MECOM: variants seen among roughly 807,000 people sequenced by gnomAD.
MECOM encodes the protein MDS1 and EVI1 complex locus.
In MECOM, 13 loss-of-function variants were observed where a neutral mutation model predicts 116.3. The ratio of observed to expected loss-of-function variants is 0.11; its 90% confidence interval spans 0.07 to 0.18. MECOM has a LOEUF of 0.18. Among genes scored for constraint, MECOM ranks in the 10% least tolerant of loss-of-function variants. MECOM has a pLI of 1.00. For missense variants in MECOM, 1,299 were observed against 1,509.0 expected (o/e 0.86, Z 2.31); for synonymous variants, 528 against 535.2 (o/e 0.99, Z 0.19).
intron 1 of MECOM, among the ~76,000 whole-genome samples, chr3:169,649,621 C>T (rs999524221): frequency 3.3e-5 from 5 of 151,896 alleles, no homozygotes; most frequent in Non-Finnish European, 2.9e-5. Flanking sequence ...TTCATCATGC[C>T]TTACATATGC....
chr3:169,382,879 A>AAAAAAAAAAAAAGAAGAAG (rs1358767356), intron 1 of MECOM, among the ~76,000 whole-genome samples: 2 of 138,518 alleles, frequency 1.4e-5, no homozygotes, highest in South Asian at 2.4e-4. Context: ...AAAAATAAAA[A>AAAAAAAAAAAAAGAAGAAG]AAGAAGGTAA....
chr3:169,610,225 T>C (rs1447839952), intron 1 of MECOM, among the ~76,000 whole-genome samples: 2 of 152,188 alleles, frequency 1.3e-5, no homozygotes, highest in Non-Finnish European at 2.9e-5. Flanking sequence ...TACATATATA[T>C]GTATAAAAGT....
intron 1 of MECOM, among the ~76,000 whole-genome samples, chr3:169,466,720 T>A (rs1427293046): frequency 6.6e-6 from 1 of 152,144 alleles, no homozygotes; most frequent in Non-Finnish European, 1.5e-5. Context: ...GGGAAAGTTA[T>A]AGATACAGAT....
At chr3:169,502,385 T>C (rs752018353) in intron 1 of MECOM, among the ~76,000 whole-genome samples, 19 of 152,148 alleles carry the variant, frequency 1.2e-4, no homozygotes, top group Non-Finnish European at 2.8e-4. Context: ...TCCTTGGAGA[T>C]GCCTTGACTA....
At chr3:169,270,097 CAA>C (rs1435361623) in intron 2 of MECOM, among the ~76,000 whole-genome samples, 1 of 151,828 alleles carries the variant, frequency 6.6e-6, no homozygotes, top group Non-Finnish European at 1.5e-5. Flanking sequence ...ACGCACTCAA[CAA>C]AAAAGGACAA....
intron 1 of MECOM, among the ~76,000 whole-genome samples, chr3:169,652,116 A>G (rs1264058178): frequency 6.6e-6 from 1 of 152,138 alleles, no homozygotes; most frequent in Non-Finnish European, 1.5e-5. Context: ...CCCCCATTCA[A>G]CCATTTAGAA....
chr3:169,337,913 G>A (rs1723841449), intron 2 of MECOM, among the ~76,000 whole-genome samples: 1 of 152,128 alleles, frequency 6.6e-6, no homozygotes, highest in Non-Finnish European at 1.5e-5. Context: ...AACCAACCCT[G>A]AGTGATAGCC....
chr3:169,616,828 C>G (rs1770071691), intron 1 of MECOM, among the ~76,000 whole-genome samples: 1 of 152,198 alleles, frequency 6.6e-6, no homozygotes, highest in Admixed American at 6.5e-5. Context: ...TGTTTTCCTA[C>G]CAACTTCCAC....
chr3:169,375,873 C>T (rs1365383932), intron 2 of MECOM, among the ~76,000 whole-genome samples: 2 of 119,062 alleles, frequency 1.7e-5, no homozygotes, highest in African/African-American at 6.6e-5. Context: ...AGAGACACAA[C>T]AAAAAAAGAA....
intron 2 of MECOM, among the ~76,000 whole-genome samples, chr3:169,171,058 A>G (rs1744326927): frequency 6.6e-6 from 1 of 152,190 alleles, no homozygotes; most frequent in Admixed American, 6.5e-5. Flanking sequence ...ATGTCACTGT[A>G]TGCTTATAAA....
chr3:169,213,324 G>A (rs924268120), intron 2 of MECOM, among the ~76,000 whole-genome samples: 83 of 151,962 alleles, frequency 5.5e-4, no homozygotes, highest in African/African-American at 1.9e-3. Flanking sequence ...ACTGAAAAGT[G>A]TTCTGGAAGA....
intron 2 of MECOM, among the ~76,000 whole-genome samples, chr3:169,262,454 T>C (rs1376363471): frequency 6.6e-6 from 1 of 152,220 alleles, no homozygotes; most frequent in Non-Finnish European, 1.5e-5. Context: ...AATTTTCCCA[T>C]ACTGTATCAA....
chr3:169,543,453 T>C (rs987825556), intron 1 of MECOM, among the ~76,000 whole-genome samples: 1 of 152,256 alleles, frequency 6.6e-6, no homozygotes, highest in South Asian at 2.1e-4. Context: ...TATGTGCCTG[T>C]AGTCCTAGCT....
At position 169,507,807 on chromosome 3, in the gene MECOM, A is replaced by G. The variant is rs55971335; in HGVS notation, c.38-126283T>C. Reference sequence around the variant, plus strand: ...CTCCCGAGTAGCTGGGACCACAGGCACCGCCACCACGCCCGGCTAATTTTT... The same window carrying G: ...CTCCCGAGTAGCTGGGACCACAGGCGCCGCCACCACGCCCGGCTAATTTTT... On this transcript the variant is annotated intron_variant, in intron 1 of 16. Transcript: ENST00000651503. 2.0e-5 allele frequency among the ~76,000 whole-genome samples: 3 copies of G among 148,242 alleles called. No homozygotes were observed. The East Asian group carries it at 6.2e-4, about 30-fold the overall frequency.
chr3:169,526,207 G>A (rs528282830), intron 1 of MECOM, among the ~76,000 whole-genome samples: 5 of 151,946 alleles, frequency 3.3e-5, no homozygotes, highest in East Asian at 1.9e-4. Context: ...AAACCTCAAC[G>A]TTGGGCCGTC....
At chr3:169,375,641 T>C (rs2108225173) in intron 2 of MECOM, among the ~76,000 whole-genome samples, 1 of 152,176 alleles carries the variant, frequency 6.6e-6, no homozygotes, top group South Asian at 2.1e-4. Context: ...AGAAGTCAAA[T>C]CCCTGAATAC....
chr3:169,228,555 C>A (rs1315055526), intron 2 of MECOM, among the ~76,000 whole-genome samples: 1 of 152,016 alleles, frequency 6.6e-6, no homozygotes, highest in African/African-American at 2.4e-5. Context: ...AAAATAAAAA[C>A]AGGATAAAAA....
intron 1 of MECOM, among the ~76,000 whole-genome samples, chr3:169,460,466 C>A (rs141886234): frequency 4.1e-4 from 63 of 152,162 alleles, no homozygotes; most frequent in African/African-American, 1.4e-3. Context: ...AATTCAGCAC[C>A]CTCATTTTAC....
chr3:169,211,265 G>A (rs545378335), intron 2 of MECOM, among the ~76,000 whole-genome samples: 2 of 152,234 alleles, frequency 1.3e-5, no homozygotes, highest in South Asian at 2.1e-4. Flanking sequence ...CATGGGGCTT[G>A]AGAAATATAC....
Sources: allele counts gnomAD v4.1 joint callset (sites outside exome capture counted in the v4.1 genomes callset), GRCh38; gene constraint gnomAD v4.1.1; transcripts MANE v1.5; gene names NCBI Gene and HGNC (gene_info 2026-07-23, HGNC 2026-07-21).